SH3PXD2B: variants seen among roughly 807,000 people sequenced by gnomAD.
SH3PXD2B encodes the protein SH3 and PX domain-containing protein 2B.
SH3PXD2B carries 37 observed loss-of-function variants against 73.1 expected under a neutral mutation model. That is an observed-to-expected ratio of 0.51 (90% confidence interval 0.39 to 0.67). The LOEUF (loss-of-function observed/expected upper bound fraction) is 0.67, where lower values mean the gene tolerates loss of function less well. Among genes scored for constraint, SH3PXD2B ranks in the 30% least tolerant of loss-of-function variants. SH3PXD2B has a pLI of 0.00. For synonymous variants in SH3PXD2B, 457 were observed against 480.5 expected, an observed-to-expected ratio of 0.95 and a Z score of 0.64; for missense variants, 1,053 against 1,197.8, an observed-to-expected ratio of 0.88 and a Z score of 1.78.
rs1443004933 is a variant in SH3PXD2B, at chr5:172,333,885, C to G, written c.*4484G>C. 7.8e-7 allele frequency: 1 copy of G among 1,273,898 alleles called. No homozygotes were observed. Among genetic ancestry groups the G allele is most frequent in the African/African-American group, 1.5e-5 (1 of 64,542 alleles). 78.9% of individuals were successfully genotyped at this position (1,273,898 alleles called of 1,614,324 possible). A position where few individuals can be genotyped will look rare whatever the true frequency, so the allele number is the denominator to read the frequency against. The stretch of plus-strand genomic sequence containing the variant: ...CCCCTCTAAGTGAAAGGGGCGCTAA[C>G]AATAATTACACGGGCACAAAGGCAT... On this transcript the variant is annotated 3_prime_UTR_variant, in exon 13 of 13. Transcript: ENST00000311601.
chr5:172,370,976 A>AT (rs1182066043), intron 6 of SH3PXD2B, among the ~76,000 whole-genome samples: 2 of 152,196 alleles, frequency 1.3e-5, no homozygotes, highest in African/African-American at 4.8e-5. Context: ...CTAGGCAAGG[A>AT]TTATCACTTT....
At chr5:172,452,756 G>A (rs1368964501) in intron 1 of SH3PXD2B, among the ~76,000 whole-genome samples, 1 of 152,138 alleles carries the variant, frequency 6.6e-6, no homozygotes, top group Non-Finnish European at 1.5e-5. Context: ...GGTGAAAACT[G>A]TCTTCATGCC....
chr5:172,327,875 C>T (rs1295810175), intron 12 of SH3PXD2B, among the ~76,000 whole-genome samples: 1 of 151,820 alleles, frequency 6.6e-6, no homozygotes, highest in African/African-American at 2.4e-5. Context: ...CTGCCTCAGC[C>T]GCCCGAGTAG....
chr5:172,426,442 G>C (rs1310084738), intron 1 of SH3PXD2B, among the ~76,000 whole-genome samples: 2 of 152,230 alleles, frequency 1.3e-5, no homozygotes, highest in Non-Finnish European at 2.9e-5. Context: ...ATAGCTAACG[G>C]AGATGGGGCC....
rs1173477890 is a variant in SH3PXD2B, at chr5:172,333,567, A to G, written c.*4802T>C. Reference sequence around the variant, plus strand: ...AAAAAAAAAAAAGGAAAGAAGTCAAATGGTAAAGTATATAGCCTACACATG... The same window carrying G: ...AAAAAAAAAAAAGGAAAGAAGTCAAGTGGTAAAGTATATAGCCTACACATG... On this transcript the variant is annotated 3_prime_UTR_variant, in exon 13 of 13. Transcript: ENST00000311601. 9 of 1,187,198 alleles carry G rather than the reference A, an allele frequency of 7.6e-6. No individual in the cohort carries two copies. The highest frequency in any genetic ancestry group is 9.5e-6 in the Non-Finnish European group (9 of 943,460). The allele number at this position is 1,187,198 out of a possible 1,614,324, so 73.5% of individuals were successfully genotyped here. A position where few individuals can be genotyped will look rare whatever the true frequency, so the allele number is the denominator to read the frequency against.
At position 172,368,498 on chromosome 5, in the gene SH3PXD2B, A is replaced by ATATATATATATAAAATATATATATATTT. The variant is rs1203027941; in HGVS notation, c.427+5291_427+5292insAAATATATATATATTTTATATATATATA. ...TATATATATAAAATATATATATATTATATATATATATATAAAATATATATA... is the reference window on the plus strand; with the variant it reads ...TATATATATAAAATATATATATATTATATATATATATAAAATATATATATATTTTATATATATATATAAAATATATATA... On this transcript the variant is annotated intron_variant, in intron 6 of 12. Coordinates refer to ENST00000311601, the MANE Select transcript of SH3PXD2B (RefSeq NM_001017995.3). 3.4e-4 allele frequency among the ~76,000 whole-genome samples: 2 copies of ATATATATATATAAAATATATATATATTT among 5,834 alleles called. 1 individual carries two copies. Among genetic ancestry groups the ATATATATATATAAAATATATATATATTT allele is most frequent in the Non-Finnish European group, 6.1e-4 (2 of 3,288 alleles). 3.8% of individuals were successfully genotyped at this position (5,834 alleles called of 152,430 possible). A position where few individuals can be genotyped will look rare whatever the true frequency, so the allele number is the denominator to read the frequency against.
rs772075656 is a variant in SH3PXD2B, at chr5:172,346,193, G to A, written c.1131C>T (p.Ala377=). ...CGTCTGGGATGGTTGTCTGGAATTC[G>A]GCGATGGTGTAATACTCTTCCTCCA... is the stretch of plus-strand genomic sequence containing the variant. ...PQVEEEYYTI[A]EFQTTIPDGI... The change falls in exon 12 of 13, where the codon GCC becomes GCT. Residue 377 remains alanine, a synonymous_variant. Transcript: ENST00000311601. 23 of 1,614,124 alleles carry A rather than the reference G, an allele frequency of 1.4e-5. No individual in the cohort carries two copies. Among genetic ancestry groups the A allele is most frequent in the East Asian group, 4.5e-5 (2 of 44,874 alleles).
At chr5:172,391,222 A>G (rs1418071907) in intron 4 of SH3PXD2B, among the ~76,000 whole-genome samples, 6 of 152,076 alleles carry the variant, frequency 3.9e-5, no homozygotes, top group Non-Finnish European at 7.4e-5. Context: ...GATTATAAGC[A>G]ACTCTAGTGG....
At chr5:172,355,727 G>A (rs960914736) in intron 8 of SH3PXD2B, among the ~76,000 whole-genome samples, 2 of 151,994 alleles carry the variant, frequency 1.3e-5, no homozygotes, top group African/African-American at 4.8e-5. Flanking sequence ...TGTATTTTTA[G>A]TAGAGACGGG....
chr5:172,382,873 C>A (rs1451689404), intron 4 of SH3PXD2B, among the ~76,000 whole-genome samples: 2 of 130,520 alleles, frequency 1.5e-5, no homozygotes, highest in African/African-American at 6.4e-5. Context: ...GGATTATAGG[C>A]ATGTGCTACC....
chr5:172,342,276 T>C (rs1344526248), intron 12 of SH3PXD2B, among the ~76,000 whole-genome samples: 3 of 152,196 alleles, frequency 2.0e-5, no homozygotes, highest in Admixed American at 6.5e-5. Flanking sequence ...AGGCTCTCTC[T>C]GGACTCGGAA....
chr5:172,447,807 C>A (rs1049543643), intron 1 of SH3PXD2B, among the ~76,000 whole-genome samples: 2 of 152,062 alleles, frequency 1.3e-5, no homozygotes, highest in Non-Finnish European at 2.9e-5. Flanking sequence ...GCACAGAGTG[C>A]ACCAGAGCAG....
At chr5:172,384,067 G>C (rs547380998) in intron 4 of SH3PXD2B, among the ~76,000 whole-genome samples, 52 of 151,834 alleles carry the variant, frequency 3.4e-4, no homozygotes, top group African/African-American at 1.3e-3. Context: ...GGATAGTCTC[G>C]ATCTCCTGAC....
chr5:172,332,077 G>A (rs1434498146), downstream of SH3PXD2B, among the ~76,000 whole-genome samples: 2 of 152,168 alleles, frequency 1.3e-5, no homozygotes, highest in Non-Finnish European at 2.9e-5. Flanking sequence ...AGAAAGCCAG[G>A]TTTGGTCCCT....
rs10476016 is a variant in SH3PXD2B, at chr5:172,328,091, G to A, written c.1189-2711C>T. On this transcript the variant is annotated intron_variant, in intron 12 of 12. Transcript: ENST00000519643. ...ATTTTTGTAATTTTTATAGACATGGGATCTCGCTACGTTGCCTAGTAGGCT... is the reference window on the plus strand; with the variant it reads ...ATTTTTGTAATTTTTATAGACATGGAATCTCGCTACGTTGCCTAGTAGGCT... Among the ~76,000 whole-genome samples, 1,091 of 146,102 alleles carry A rather than the reference G, an allele frequency of 7.5e-3. 15 individuals are homozygous for A. Among genetic ancestry groups the A allele is most frequent in the African/African-American group, 0.026 (1,019 of 39,516 alleles).
At chr5:172,402,709 G>A (rs143613646) in intron 3 of SH3PXD2B, among the ~76,000 whole-genome samples, 114 of 152,300 alleles carry the variant, frequency 7.5e-4, no homozygotes, top group Admixed American at 2.6e-3. Context: ...TTTACCTCCC[G>A]GAGCCTCAGT....
At chr5:172,385,162 C>G (rs1471687772) in intron 4 of SH3PXD2B, among the ~76,000 whole-genome samples, 1 of 152,162 alleles carries the variant, frequency 6.6e-6, no homozygotes, top group African/African-American at 2.4e-5. Flanking sequence ...CCATGGGCCT[C>G]TTTTTCCTCT....
intron 5 of SH3PXD2B, among the ~76,000 whole-genome samples, chr5:172,374,360 C>T (rs757183369): frequency 1.1e-4 from 16 of 152,008 alleles, no homozygotes; most frequent in African/African-American, 1.7e-4. Context: ...AGTCCCTTAC[C>T]GTCGTCACCC....
intron 6 of SH3PXD2B, among the ~76,000 whole-genome samples, chr5:172,370,189 T>A (rs1331045751): frequency 6.6e-6 from 1 of 152,148 alleles, no homozygotes; most frequent in Non-Finnish European, 1.5e-5. Context: ...TATAATCTTA[T>A]AAATTAAAGA....
Sources: allele counts gnomAD v4.1 joint callset (sites outside exome capture counted in the v4.1 genomes callset), GRCh38; gene constraint gnomAD v4.1.1; transcripts MANE v1.5; gene names NCBI Gene and HGNC (gene_info 2026-07-23, HGNC 2026-07-21).